The following CHST15 variants were observed in gnomAD, a reference collection of about 807,000 sequenced individuals.
CHST15 encodes carbohydrate sulfotransferase 15, also known as B cell RAG associated protein (GALNAC4S-6ST).
CHST15 carries 30 observed loss-of-function variants against 53.6 expected under a neutral mutation model. The observed-to-expected ratio is 0.56, with a 90% CI of 0.42 to 0.76. CHST15 has a LOEUF of 0.76. Among genes scored for constraint, CHST15 ranks in the 30% least tolerant of loss-of-function variants. CHST15 has a pLI of 0.00. For missense variants in CHST15, 627 were observed against 740.5 expected (o/e 0.85, Z 1.78); for synonymous variants, 296 against 289.8 (o/e 1.02, Z -0.22).
At chr10:124,042,793 C>T (rs1336583599) in intron 3 of CHST15, among the ~76,000 whole-genome samples, 2 of 152,064 alleles carry the variant, frequency 1.3e-5, no homozygotes, top group East Asian at 1.9e-4. Context: ...AGGTGGGACT[C>T]GTAAGTGGCT....
chr10:124,029,335 G>T (rs538949211), intron 5 of CHST15, among the ~76,000 whole-genome samples: 5 of 152,324 alleles, frequency 3.3e-5, no homozygotes, highest in Non-Finnish European at 7.4e-5. Flanking sequence ...TGAACACAGG[G>T]GTGACACTGG....
chr10:124,084,461 C>A (rs1949355184), intron 1 of CHST15, among the ~76,000 whole-genome samples: 1 of 150,320 alleles, frequency 6.7e-6, no homozygotes, highest in South Asian at 2.1e-4. Flanking sequence ...ACAAGCTCCC[C>A]CATACCAGGG....
Position 124,009,778 on chromosome 10 carries a change from T to C in CHST15, c.*371A>G. The C allele has an allele frequency of 2.8e-6, 3 of 1,072,056 alleles. No individual in the cohort carries two copies. The highest frequency in any genetic ancestry group is 3.4e-6 in the Non-Finnish European group (3 of 882,726). 66.4% of individuals were successfully genotyped at this position (1,072,056 alleles called of 1,614,324 possible). On this transcript the variant is annotated 3_prime_UTR_variant, in exon 8 of 8. Transcript: ENST00000435907. Reference sequence around the variant, plus strand: ...GTGGCATGACCTCTGGCTTGCTGACTCAGAACCCAGAGGCTCTCCAGAAGG... The same window carrying C: ...GTGGCATGACCTCTGGCTTGCTGACCCAGAACCCAGAGGCTCTCCAGAAGG...
At chr10:124,037,877 C>T (rs1947566717) in intron 5 of CHST15, among the ~76,000 whole-genome samples, 1 of 152,176 alleles carries the variant, frequency 6.6e-6, no homozygotes, top group Non-Finnish European at 1.5e-5. Flanking sequence ...CGTGGAGAAG[C>T]TTACACCCCT....
chr10:124,057,264 T>C (rs1425590146), intron 1 of CHST15, among the ~76,000 whole-genome samples: 2 of 152,260 alleles, frequency 1.3e-5, no homozygotes, highest in African/African-American at 4.8e-5. Context: ...ATTATCTTCA[T>C]CTGTTATGTC....
At chr10:124,078,708 G>C (rs1206375927) in intron 1 of CHST15, among the ~76,000 whole-genome samples, 1 of 152,144 alleles carries the variant, frequency 6.6e-6, no homozygotes, top group Non-Finnish European at 1.5e-5. Flanking sequence ...TCCTCTAAAA[G>C]ACAAACAACA....
chr10:124,053,379 G>A (rs1473637766), intron 1 of CHST15, among the ~76,000 whole-genome samples: 1 of 152,208 alleles, frequency 6.6e-6, no homozygotes, highest in Non-Finnish European at 1.5e-5. Flanking sequence ...GCCAGGAGGA[G>A]GGGGAGACAG....
At position 124,017,895 on chromosome 10, in the gene CHST15, C is replaced by T. The variant is rs541484843; in HGVS notation, c.1347+3361G>A. ...CCGTACTCTGACCAGCACACACAGC[C>T]TCCTCGGCAGGCTCCACCTGGTGGC... On this transcript the variant is annotated intron_variant, in intron 6 of 7. Coordinates refer to ENST00000435907, the MANE Select transcript of CHST15 (RefSeq NM_001270764.2). Among the ~76,000 whole-genome samples, 10 of 152,346 alleles carry T rather than the reference C, an allele frequency of 6.6e-5. No individual in the cohort carries two copies. In the South Asian group the frequency reaches 2.1e-3, roughly 32 times the overall value.
At chr10:124,030,177 C>A (rs1417231599) in intron 5 of CHST15, among the ~76,000 whole-genome samples, 1 of 152,188 alleles carries the variant, frequency 6.6e-6, no homozygotes. Context: ...TCAGAGAACC[C>A]CTTCACAAAG....
At chr10:124,083,260 T>C (rs1428475514) in intron 1 of CHST15, among the ~76,000 whole-genome samples, 3 of 152,166 alleles carry the variant, frequency 2.0e-5, no homozygotes, top group African/African-American at 7.2e-5. Flanking sequence ...AGTGAGCACG[T>C]CTTCTCACCC....
chr10:124,016,114 G>A (rs1189258282), intron 6 of CHST15, among the ~76,000 whole-genome samples: 1 of 152,118 alleles, frequency 6.6e-6, no homozygotes, highest in Non-Finnish European at 1.5e-5. Flanking sequence ...ACCCTGCTCT[G>A]AGGCAGGCTC....
Position 124,012,377 on chromosome 10 carries a change from T to C in CHST15, c.1451A>G (p.Asn484Ser), listed in dbSNP as rs576695868. The change falls in exon 7 of 8, where the codon AAC becomes AGC. Residue 484 changes from asparagine (N) to serine (S), a missense_variant. This residue lies in a region of CHST15 where 279 missense variants were observed against 371.6 expected (regional missense o/e 0.75). Transcript: ENST00000435907. The part of the protein sequence containing the change: ...LILRLEDHAS[N>S]VKYTMHKVFQ... ...GACCTTGTGCATGGTGTACTTGACG[T>C]TGGATGCATGATCTTCCAGGCGAAG... 59 of 1,613,932 alleles carry C rather than the reference T, an allele frequency of 3.7e-5. No homozygotes were observed. The highest frequency in any genetic ancestry group is 5.0e-5 in the Non-Finnish European group (59 of 1,180,022).
intron 5 of CHST15, among the ~76,000 whole-genome samples, chr10:124,031,689 C>CTAA (rs780816741): frequency 6.6e-6 from 1 of 151,986 alleles, no homozygotes; most frequent in South Asian, 2.1e-4. Flanking sequence ...TAACTGATAC[C>CTAA]TAATAATAAT....
At chr10:124,016,214 G>A (rs955659499) in intron 6 of CHST15, among the ~76,000 whole-genome samples, 23 of 152,094 alleles carry the variant, frequency 1.5e-4, no homozygotes, top group Admixed American at 1.4e-3. Flanking sequence ...TGCTGCCCCT[G>A]CATCCGGGTG....
intron 1 of CHST15, among the ~76,000 whole-genome samples, chr10:124,089,192 G>A (rs770062286): frequency 7.2e-5 from 11 of 152,146 alleles, no homozygotes; most frequent in East Asian, 1.9e-4. Flanking sequence ...GGGAGGCTGC[G>A]TGATTCTCAC....
At chr10:124,091,294 T>C (rs1178035798) in intron 1 of CHST15, among the ~76,000 whole-genome samples, 1 of 152,182 alleles carries the variant, frequency 6.6e-6, no homozygotes, top group Non-Finnish European at 1.5e-5. Flanking sequence ...GTAAGTGCCA[T>C]GTTCTGGAAG....
At chr10:124,025,251 G>A (rs1296305066) in intron 5 of CHST15, among the ~76,000 whole-genome samples, 1 of 152,202 alleles carries the variant, frequency 6.6e-6, no homozygotes, top group Non-Finnish European at 1.5e-5. Context: ...CATACCTACT[G>A]TTCCAACCAG....
At chr10:124,029,036 A>T (rs1197197551) in intron 5 of CHST15, among the ~76,000 whole-genome samples, 2 of 152,188 alleles carry the variant, frequency 1.3e-5, no homozygotes, top group Non-Finnish European at 2.9e-5. Flanking sequence ...TGCTGTGGCC[A>T]CGTGAGGGTT....
chr10:124,058,835 C>T (rs543755370), intron 1 of CHST15, among the ~76,000 whole-genome samples: 102 of 152,228 alleles, frequency 6.7e-4, no homozygotes, highest in Non-Finnish European at 1.2e-3. Flanking sequence ...TGAGTCACAA[C>T]AACAGTGACA....
Sources: allele counts gnomAD v4.1 joint callset (sites outside exome capture counted in the v4.1 genomes callset), GRCh38; gene constraint gnomAD v4.1.1; regional missense constraint gnomAD v4.1.1; transcripts MANE v1.5; gene names NCBI Gene and HGNC (gene_info 2026-07-23, HGNC 2026-07-21).